The following ENPEP variants were observed in gnomAD, a reference collection of about 807,000 sequenced individuals.
The protein encoded by ENPEP is glutamyl aminopeptidase.
ENPEP carries 103 observed loss-of-function variants against 114.5 expected under a neutral mutation model. The observed-to-expected ratio is 0.90, with a 90% CI of 0.77 to 1.06. The LOEUF (loss-of-function observed/expected upper bound fraction) is 1.06. Ranked by LOEUF, ENPEP falls within the 50% of genes least tolerant of loss-of-function variation. The pLI, the probability that ENPEP is intolerant of heterozygous loss-of-function variation, is 0.00. For synonymous variants in ENPEP, 420 were observed against 422.0 expected (o/e 1.00, Z 0.06); for missense variants, 1,196 against 1,161.3 (o/e 1.03, Z -0.43).
At chr4:110,500,025 G>A (rs763724722) in intron 3 of ENPEP, 1 of 152,110 alleles carries the variant, frequency 6.6e-6, no homozygotes, top group Non-Finnish European at 1.5e-5. Flanking sequence ...GGTTTTGGTT[G>A]CAGGGACATA....
chr4:110,546,178 A>C (rs1727049558), intron 13 of ENPEP, among the ~76,000 whole-genome samples: 1 of 152,020 alleles, frequency 6.6e-6, no homozygotes, highest in South Asian at 2.1e-4. Flanking sequence ...GTGGTGGGCT[A>C]TCAGCAAAGA....
chr4:110,503,743 A>T (rs2033351884), intron 3 of ENPEP, among the ~76,000 whole-genome samples: 1 of 151,970 alleles, frequency 6.6e-6, no homozygotes, highest in Non-Finnish European at 1.5e-5. Context: ...CAGTCAGTTG[A>T]TTTCTTTCCT....
Position 110,531,204 on chromosome 4 carries a change from A to C in ENPEP, c.1734A>C (p.Thr578=). 6.8e-7 allele frequency: 1 copy of C among 1,463,146 alleles called. No homozygotes were observed. Among genetic ancestry groups the C allele is most frequent in the Non-Finnish European group, 9.2e-7 (1 of 1,092,640 alleles). 90.6% of individuals were successfully genotyped at this position (1,463,146 alleles called of 1,614,324 possible). A position where few individuals can be genotyped will look rare whatever the true frequency, so the allele number is the denominator to read the frequency against. The change falls in exon 11 of 20, where the codon ACA becomes ACC. Residue 578 remains threonine, a synonymous_variant. Transcript: ENST00000265162. The stretch of plus-strand genomic sequence containing the variant: ...CTTTTTAAAAAAATTTTAGTTATAC[A>C]TGGAATATCCCAGTTAAATGGACTG... ...PSQPPSDLGY[T]WNIPVKWTED...
intron 18 of ENPEP, among the ~76,000 whole-genome samples, chr4:110,557,176 A>G (rs920078797): frequency 1.3e-5 from 2 of 152,230 alleles, no homozygotes; most frequent in Non-Finnish European, 2.9e-5. Flanking sequence ...AGGTAAAGTG[A>G]AAGAACAGTC....
chr4:110,539,620 T>C (rs1036269280), intron 11 of ENPEP, among the ~76,000 whole-genome samples: 1 of 152,082 alleles, frequency 6.6e-6, no homozygotes, highest in African/African-American at 2.4e-5. Context: ...CTCAAACTGG[T>C]CTCAAGCAGT....
intron 17 of ENPEP, among the ~76,000 whole-genome samples, chr4:110,551,025 A>G (rs754227473): frequency 6.6e-6 from 1 of 151,356 alleles, no homozygotes; most frequent in Non-Finnish European, 1.5e-5. Context: ...AGGCCGAGGC[A>G]GGAGGTTTTC....
chr4:110,513,566 A>G lies in ENPEP; in HGVS notation c.1443+17A>G, dbSNP rs1433619551. On this transcript the variant is annotated intron_variant, in intron 7 of 19. Coordinates refer to ENST00000265162, the MANE Select transcript of ENPEP (RefSeq NM_001977.4). ...TATAGCAAGGTGGGAGAAATAGAAC[A>G]TTGTTTTGAACATCTTCCTGTTTAG... 1 of 1,610,328 alleles carries G rather than the reference A, an allele frequency of 6.2e-7. No homozygotes were observed. Among genetic ancestry groups the G allele is most frequent in the Non-Finnish European group, 8.5e-7 (1 of 1,178,468 alleles).
At chr4:110,510,976 A>G (rs576097908) in intron 6 of ENPEP, among the ~76,000 whole-genome samples, 4 of 152,348 alleles carry the variant, frequency 2.6e-5, no homozygotes, top group African/African-American at 2.4e-5. Flanking sequence ...TGTGTCCCTC[A>G]GAGGCCTGGA....
intron 6 of ENPEP, 74 bp from the exon 7 acceptor site, chr4:110,513,341 T>C (rs976662809): frequency 1.4e-6 from 2 of 1,469,200 alleles, no homozygotes; most frequent in African/African-American, 2.9e-5. Flanking sequence ...CAATTTTTCT[T>C]ATATATGGTA....
intron 1 of ENPEP, among the ~76,000 whole-genome samples, chr4:110,477,851 A>G (rs1412577332): frequency 6.6e-6 from 1 of 152,122 alleles, no homozygotes; most frequent in Non-Finnish European, 1.5e-5. Flanking sequence ...TATTTATTCC[A>G]CTTTCCCACC....
At chr4:110,531,526 G>A (rs10009658) in intron 11 of ENPEP, among the ~76,000 whole-genome samples, 9 of 152,028 alleles carry the variant, frequency 5.9e-5, no homozygotes, top group African/African-American at 1.2e-4. Context: ...GAGAAGGGTC[G>A]CATGCCCAAC....
chr4:110,476,748 G>T lies in ENPEP; in HGVS notation c.334G>T (p.Glu112Ter), dbSNP rs1724120849. 1 of 1,614,168 alleles carries T rather than the reference G, an allele frequency of 6.2e-7. No homozygotes were observed. Among genetic ancestry groups the T allele is most frequent in the Non-Finnish European group, 8.5e-7 (1 of 1,180,042 alleles). ...CCTGCACGTGAAGCCCCTGTTGGAGGAGGACACCTACACGGGCACCGTGAG... is the reference window on the plus strand; with the variant it reads ...CCTGCACGTGAAGCCCCTGTTGGAGTAGGACACCTACACGGGCACCGTGAG... ...YDLHVKPLLEEDTYTGTVSIS... is the reference protein window; with the variant it reads ...YDLHVKPLLE Residue 112 changes from glutamate (E) to a stop codon, truncating the protein, a stop_gained, in exon 1 of 20, where the codon GAG becomes TAG. Transcript: ENST00000265162. LOFTEE classifies it high-confidence loss of function.
At chr4:110,483,800 C>T (rs1317312818) in intron 1 of ENPEP, among the ~76,000 whole-genome samples, 2 of 152,188 alleles carry the variant, frequency 1.3e-5, no homozygotes, top group Non-Finnish European at 2.9e-5. Context: ...ATTTGCAAGA[C>T]AAGTCATCTG....
intron 11 of ENPEP, among the ~76,000 whole-genome samples, chr4:110,536,789 A>G (rs1323889173): frequency 6.6e-6 from 1 of 152,050 alleles, no homozygotes; most frequent in African/African-American, 2.4e-5. Context: ...TTTCCTCATG[A>G]TAATTGGGTT....
intron 19 of ENPEP, among the ~76,000 whole-genome samples, chr4:110,560,051 TTC>T (rs1727628732): frequency 6.6e-6 from 1 of 152,220 alleles, no homozygotes; most frequent in South Asian, 2.1e-4. Context: ...GTGTTTGGTT[TTC>T]TGTTCCTGTA....
intron 3 of ENPEP, among the ~76,000 whole-genome samples, chr4:110,499,120 G>A (rs545716679): frequency 6.6e-6 from 1 of 152,146 alleles, no homozygotes; most frequent in African/African-American, 2.4e-5. Context: ...TGTTCTTACT[G>A]GCAATGTGGA....
intron 13 of ENPEP, among the ~76,000 whole-genome samples, chr4:110,544,419 A>G (rs972748107): frequency 3.9e-5 from 6 of 152,108 alleles, no homozygotes; most frequent in Non-Finnish European, 7.4e-5. Flanking sequence ...CTCGTTTTGT[A>G]GCTAATAGAA....
In ENPEP at chr4:110,484,053, T is replaced by G. The variant is rs186217535; in HGVS notation, c.645-4488T>G. ...GTGTATATACACCAAGTAATTTTGTTCCAGTATATATTGCAGTCAAATGAA... is the reference window on the plus strand; with the variant it reads ...GTGTATATACACCAAGTAATTTTGTGCCAGTATATATTGCAGTCAAATGAA... On this transcript the variant is annotated intron_variant, in intron 1 of 19. Transcript: ENST00000265162. 1.3e-3 allele frequency among the ~76,000 whole-genome samples: 191 copies of G among 152,336 alleles called. 1 individual carries two copies. Among genetic ancestry groups the G allele is most frequent in the South Asian group, 6.2e-3 (30 of 4,822 alleles).
intron 3 of ENPEP, among the ~76,000 whole-genome samples, chr4:110,504,255 T>C (rs564971313): frequency 2.4e-4 from 37 of 152,270 alleles, no homozygotes; most frequent in South Asian, 6.2e-4. Flanking sequence ...AGGGCCTGCC[T>C]GGTGATGAGC....
Sources: allele counts gnomAD v4.1 joint callset (sites outside exome capture counted in the v4.1 genomes callset), GRCh38; gene constraint gnomAD v4.1.1; transcripts MANE v1.5; gene names NCBI Gene and HGNC (gene_info 2026-07-23, HGNC 2026-07-21).